Variants in DOCK3 observed in about 807,000 individuals in gnomAD.
The protein encoded by DOCK3 is dedicator of cytokinesis protein 3.
Under a neutral mutation model 265.6 loss-of-function variants are expected in DOCK3, and 60 were observed. That is an observed-to-expected ratio of 0.23 (90% CI 0.18 to 0.28). DOCK3 has a LOEUF of 0.28. DOCK3 is among the 10% of genes least tolerant of loss of function. The probability of loss-of-function intolerance (pLI) is 1.00; values close to 1 mark genes in which losing one functional copy is unlikely to be tolerated. For synonymous variants in DOCK3, 881 were observed against 938.0 expected (o/e 0.94, Z 1.11); for missense variants, 1,981 against 2,594.3 (o/e 0.76, Z 5.14).
At chr3:51,032,344 A>G (rs1444267427) in intron 5 of DOCK3, among the ~76,000 whole-genome samples, 2 of 152,180 alleles carry the variant, frequency 1.3e-5, no homozygotes, top group African/African-American at 2.4e-5. Context: ...GTGCCCCCAA[A>G]TCCTAAATTG....
chr3:51,052,026 TG>T (rs1446730317), intron 5 of DOCK3, among the ~76,000 whole-genome samples: 1 of 152,130 alleles, frequency 6.6e-6, no homozygotes, highest in African/African-American at 2.4e-5. Context: ...CATCTCAACA[TG>T]AGATTTGGAG....
chr3:50,889,711 A>C (rs1169723582), intron 3 of DOCK3, among the ~76,000 whole-genome samples: 1 of 152,128 alleles, frequency 6.6e-6, no homozygotes, highest in African/African-American at 2.4e-5. Context: ...CAAGTTCTGT[A>C]CACAATACTG....
At chr3:50,816,968 A>T (rs2044116313) in intron 2 of DOCK3, among the ~76,000 whole-genome samples, 1 of 151,954 alleles carries the variant, frequency 6.6e-6, no homozygotes, top group African/African-American at 2.4e-5. Flanking sequence ...AAATCCATAG[A>T]CTCGCCCTAA....
At chr3:50,765,956 G>A (rs1169954639) in intron 1 of DOCK3, among the ~76,000 whole-genome samples, 6 of 151,176 alleles carry the variant, frequency 4.0e-5, no homozygotes, top group South Asian at 2.1e-4. Context: ...TCTGGTAACC[G>A]CGGTCCTATT....
intron 12 of DOCK3, among the ~76,000 whole-genome samples, chr3:51,166,784 C>T (rs1199237421): frequency 6.6e-6 from 1 of 152,072 alleles, no homozygotes; most frequent in East Asian, 1.9e-4. Flanking sequence ...TCTTTCAGGC[C>T]TTTTTGCCTG....
intron 3 of DOCK3, among the ~76,000 whole-genome samples, chr3:50,854,656 G>A (rs1210246578): frequency 7.5e-6 from 1 of 133,442 alleles, no homozygotes; most frequent in African/African-American, 2.9e-5. Context: ...TTGAGCTCCT[G>A]ACCTCAAGCA....
At chr3:51,031,652 T>C (rs148741112) in intron 5 of DOCK3, among the ~76,000 whole-genome samples, 4 of 152,326 alleles carry the variant, frequency 2.6e-5, no homozygotes, top group Non-Finnish European at 5.9e-5. Flanking sequence ...CTCATACTAG[T>C]TACCTTCCTG....
chr3:51,271,014 C>T lies in DOCK3; in HGVS notation c.2548+7C>T, dbSNP rs200390580. ...CGCCTGTTTTCTTTCTCAGGTAAAT[C>T]AAGTTGGGATGAGAGTCCTCCTTCC... On this transcript the variant is annotated splice_region_variant and intron_variant, in intron 24 of 52. Transcript: ENST00000266037. 2.4e-5 allele frequency: 38 copies of T among 1,609,252 alleles called. No individual in the cohort carries two copies. The highest frequency in any genetic ancestry group is 3.1e-5 in the Non-Finnish European group (37 of 1,177,696).
At chr3:50,989,485 C>T (rs1466086279) in intron 5 of DOCK3, among the ~76,000 whole-genome samples, 4 of 152,178 alleles carry the variant, frequency 2.6e-5, no homozygotes, top group Admixed American at 6.5e-5. Context: ...CATCTACCAA[C>T]TGACCAGTAA....
At chr3:51,260,745 GC>G (rs2079805926) in intron 23 of DOCK3, among the ~76,000 whole-genome samples, 1 of 152,116 alleles carries the variant, frequency 6.6e-6, no homozygotes, top group Non-Finnish European at 1.5e-5. Flanking sequence ...ACTTTGGGAG[GC>G]CAAGGTGGGC....
chr3:51,268,792 A>G (rs2080333895), intron 23 of DOCK3, among the ~76,000 whole-genome samples: 1 of 152,100 alleles, frequency 6.6e-6, no homozygotes, highest in South Asian at 2.1e-4. Flanking sequence ...ATAAGGGAGT[A>G]CCTGAAGGCT....
At chr3:50,762,838 T>C (rs1015261131) in intron 1 of DOCK3, among the ~76,000 whole-genome samples, 15 of 152,140 alleles carry the variant, frequency 9.9e-5, no homozygotes, top group Non-Finnish European at 1.9e-4. Flanking sequence ...CCTTGTGATA[T>C]GTTTGTTTGG....
At chr3:51,375,085 G>T (rs2110541190) in intron 50 of DOCK3, among the ~76,000 whole-genome samples, 1 of 152,310 alleles carries the variant, frequency 6.6e-6, no homozygotes, top group East Asian at 1.9e-4. Context: ...CAAATGCTCT[G>T]CCTGGGGACC....
At chr3:51,360,323 C>CT (rs1324670506) in intron 46 of DOCK3, among the ~76,000 whole-genome samples, 188 bp from the exon 47 acceptor site, 1 of 152,190 alleles carries the variant, frequency 6.6e-6, no homozygotes, top group Non-Finnish European at 1.5e-5. Context: ...GGTTCCAGTG[C>CT]AGTTAGGAGG....
intron 21 of DOCK3, 59 bp from the exon 22 acceptor site, chr3:51,246,667 T>C (rs2078856107): frequency 2.7e-6 from 4 of 1,508,860 alleles, no homozygotes; most frequent in Non-Finnish European, 3.6e-6. Context: ...GCTACAGATG[T>C]TTCAAGCTGC....
At chr3:51,050,071 GAC>G in intron 5 of DOCK3, among the ~76,000 whole-genome samples, 1 of 152,204 alleles carries the variant, frequency 6.6e-6, no homozygotes, top group Non-Finnish European at 1.5e-5. Flanking sequence ...CAAATGGAAA[GAC>G]ATTTCATGTT....
intron 1 of DOCK3, among the ~76,000 whole-genome samples, chr3:50,770,316 C>T (rs2041194973): frequency 6.6e-6 from 1 of 151,804 alleles, no homozygotes. Flanking sequence ...ATTGAACAAT[C>T]TTAGAAAGAA....
intron 9 of DOCK3, among the ~76,000 whole-genome samples, chr3:51,112,955 A>G (rs926723377): frequency 2.6e-5 from 4 of 152,274 alleles, no homozygotes; most frequent in Middle Eastern, 6.8e-3. Flanking sequence ...ATTATAAGTA[A>G]TTTGTTACTA....
intron 5 of DOCK3, among the ~76,000 whole-genome samples, chr3:50,970,976 A>ATT (rs1407455376): frequency 4.0e-5 from 1 of 25,054 alleles, no homozygotes; most frequent in African/African-American, 9.8e-5. Flanking sequence ...GTATATATAT[A>ATT]TATTTTTTTT....
Sources: gnomAD v4.1 joint callset for allele counts (sites outside exome capture counted in the v4.1 genomes callset) on GRCh38, gnomAD v4.1.1 for gene constraint, MANE v1.5 for transcripts, NCBI Gene and HGNC (gene_info 2026-07-23, HGNC 2026-07-21) for gene names.